The following TTN variants were observed in gnomAD, a reference collection of about 807,000 sequenced individuals.
TTN encodes connectin.
In TTN, 1,525 loss-of-function variants were observed where a neutral mutation model predicts 3,223.0. The observed-to-expected ratio is 0.47, with a 90% confidence interval of 0.45 to 0.49. The LOEUF (loss-of-function observed/expected upper bound fraction) is 0.49. Among genes scored for constraint, TTN ranks in the 20% least tolerant of loss-of-function variants. TTN has a pLI of 0.00. For synonymous variants in TTN, 14,094 were observed against 15,161.0 expected, an observed-to-expected ratio of 0.93 and a Z score of 5.17; for missense variants, 40,786 against 43,424.0, an observed-to-expected ratio of 0.94 and a Z score of 5.40.
At position 178,641,332 on chromosome 2, in the gene TTN, G is replaced by A; in HGVS notation, c.40559-17C>T. ...TTCTTAGAACTTTAAAGACAAAAAG[G>A]TTTATATGTAAACCAAGACAAACTA... On this transcript the variant is annotated splice_polypyrimidine_tract_variant and intron_variant, in intron 219 of 362. Coordinates refer to ENST00000589042, the MANE Select transcript of TTN (RefSeq NM_001267550.2). 1.4e-6 allele frequency: 2 copies of A among 1,386,140 alleles called. No homozygotes were observed. The highest frequency in any genetic ancestry group is 1.9e-6 in the Non-Finnish European group (2 of 1,026,512). The allele number at this position is 1,386,140 out of a possible 1,614,324, so 85.9% of individuals were successfully genotyped here. A position where few individuals can be genotyped will look rare whatever the true frequency, so the allele number is the denominator to read the frequency against.
At chr2:178,773,041 A>T (rs2091764564) in intron 33 of TTN, 68 bp downstream of exon 33, 2 of 1,602,074 alleles carry the variant, frequency 1.2e-6, no homozygotes, top group East Asian at 2.2e-5. Context: ...ATTTTGGGGG[A>T]AATGAATAAT....
Position 178,800,433 on chromosome 2 carries a change from A to G in TTN, c.545T>C (p.Val182Ala), listed in dbSNP as rs779093531. Residue 182 changes from valine (V) to alanine (A), a missense_variant, in exon 4 of 363, where the codon GTT becomes GCT. Coordinates refer to ENST00000589042, the MANE Select transcript of TTN (RefSeq NM_001267550.2). ...GTYSVNATNS[V>A]GRATSTAELL... ...TTCAGCAGTCGAAGTAGCTCTTCCAACGCTATTGGTGGCATTTACTGAATA... is the reference window on the plus strand; with the variant it reads ...TTCAGCAGTCGAAGTAGCTCTTCCAGCGCTATTGGTGGCATTTACTGAATA... The G allele has an allele frequency of 6.2e-6, 10 of 1,613,962 alleles. No individual in the cohort carries two copies. The highest frequency in any genetic ancestry group is 3.3e-5 in the Admixed American group (2 of 60,000).
chr2:178,583,258 T>C (rs932563938), intron 312 of TTN, 31 bp from the exon 313 acceptor site: 1 of 1,500,882 alleles, frequency 6.7e-7, no homozygotes, highest in African/African-American at 1.4e-5. Flanking sequence ...GGACTTAATG[T>C]ATGCAAAGCT....
chr2:178,709,441 A>T, intron 99 of TTN, 125 bp downstream of exon 99: 3 of 972,066 alleles, frequency 3.1e-6, no homozygotes, highest in Non-Finnish European at 4.4e-6. Flanking sequence ...ATAAATACAC[A>T]GTTAAATAAT....
chr2:178,533,359 T>A lies in TTN; in HGVS notation c.103256A>T (p.Tyr34419Phe). The change falls in exon 358 of 363, where the codon TAT becomes TTT. Residue 34419 changes from tyrosine to phenylalanine, a missense_variant. Tyr to Phe is a conservative substitution (Grantham distance 22). Coordinates refer to ENST00000589042, the MANE Select transcript of TTN (RefSeq NM_001267550.2). ...IEIIHEGLDYYALHIRDTLPE... is the reference protein window; with the variant it reads ...IEIIHEGLDYFALHIRDTLPE... Reference sequence around the variant, plus strand: ...CAAAGTGTCCCTGATGTGCAGAGCATAATAATCCAAGCCTTCATGGATAAT... The same window carrying A: ...CAAAGTGTCCCTGATGTGCAGAGCAAAATAATCCAAGCCTTCATGGATAAT... 1.9e-6 allele frequency: 3 copies of A among 1,613,626 alleles called. No individual in the cohort carries two copies. The highest frequency in any genetic ancestry group is 2.5e-6 in the Non-Finnish European group (3 of 1,179,866).
chr2:178,719,123 G>T (rs1291617929), intron 83 of TTN, 41 bp downstream of exon 83: 1 of 1,575,892 alleles, frequency 6.3e-7, no homozygotes, highest in East Asian at 2.2e-5. Flanking sequence ...CCACATGAAA[G>T]AGGTGTTAGA....
rs2080056843 is a variant in TTN, at chr2:178,729,698, G to T, written c.18555C>A (p.Gly6185=). The change falls in exon 63 of 363, where the codon GGC becomes GGA. Residue 6185 remains glycine, a synonymous_variant. Coordinates refer to ENST00000589042, the MANE Select transcript of TTN (RefSeq NM_001267550.2). ...TYVCEARNDA[G]TASCSIELKV... ...TGAGTTCAATGCTGCAGCTCGCCGT[G>T]CCTGCGTCATTTCGAGCTTCACACA... 1 of 1,613,590 alleles carries T rather than the reference G, an allele frequency of 6.2e-7. No individual in the cohort carries two copies. The highest frequency in any genetic ancestry group is 1.3e-5 in the African/African-American group (1 of 74,890).
chr2:178,564,811 G>A lies in TTN; in HGVS notation c.81321C>T (p.Tyr27107=), dbSNP rs557312035. ...VNDGGTKIIG[Y]HLEQKEKNSI... ...TGTTCTTTTCTTTCTGTTCAAGATG[G>A]TAGCCAATAATTTTGGTGCCTCCAT... Residue 27107 remains tyrosine, a synonymous_variant, in exon 326 of 363, where the codon TAC becomes TAT. Transcript: ENST00000589042. 1.9e-6 allele frequency: 3 copies of A among 1,612,790 alleles called. No homozygotes were observed. The Admixed American group carries it at 5.0e-5, about 27-fold the overall frequency.
Position 178,647,416 on chromosome 2 carries a change from G to C in TTN, c.40106C>G (p.Pro13369Arg), listed in dbSNP as rs1271203918. ...TGGAACTTCTGGCTCTGCAGGGATA[G>C]GCACAGACACTTCCTTTTCTGGGAT... ...KIIPEKEVSVPIPAEPEVPPA... is the reference protein window; with the variant it reads ...KIIPEKEVSVRIPAEPEVPPA... Residue 13369 changes from proline to arginine, a missense_variant, in exon 214 of 363, where the codon CCT becomes CGT. Pro to Arg is a moderately radical substitution (Grantham distance 103). Transcript: ENST00000589042. The C allele has an allele frequency of 1.3e-6, 2 of 1,549,764 alleles. No individual in the cohort carries two copies. Among genetic ancestry groups the C allele is most frequent in the Middle Eastern group, 1.7e-4 (1 of 5,986 alleles).
rs778578711 is a variant in TTN at position 178,607,450 on chromosome 2, A to T, written c.53238T>A (p.Ala17746=). The stretch of plus-strand genomic sequence containing the variant: ...CAAATTTGGAACCACAGCTATTTGT[A>T]GCTGTAATCACATATCTGCCATGGT... The part of the protein sequence containing the change: ...RKDHGRYVIT[A]TNSCGSKFAA... The change falls in exon 277 of 363, where the codon GCT becomes GCA. Residue 17746 remains alanine, a synonymous_variant. Transcript: ENST00000589042. 6.2e-7 allele frequency: 1 copy of T among 1,613,210 alleles called. No individual in the cohort carries two copies.
intron 108 of TTN, 36 bp from the exon 109 acceptor site, chr2:178,702,102 A>C (rs2075103578): frequency 1.1e-5 from 17 of 1,612,876 alleles, no homozygotes; most frequent in Non-Finnish European, 1.4e-5. Flanking sequence ...TTTTGTGTTC[A>C]GAATGGTATA....
chr2:178,618,141 A>G (rs1431923643), intron 252 of TTN, 48 bp downstream of exon 252: 10 of 1,609,890 alleles, frequency 6.2e-6, no homozygotes, highest in Non-Finnish European at 8.5e-6. Flanking sequence ...GAAGGCAAAG[A>G]CTGCAATTTA....
chr2:178,778,064 T>C, intron 24 of TTN, 89 bp from the exon 25 acceptor site: 1 of 1,513,392 alleles, frequency 6.6e-7, no homozygotes. Flanking sequence ...TTATTCATGT[T>C]ATTTTAGAAT....
Position 178,733,412 on chromosome 2 carries a change from C to A in TTN, c.15881G>T (p.Trp5294Leu). The change falls in exon 54 of 363, where the codon TGG (tryptophan) becomes TTG (leucine). Residue 5294 changes from tryptophan to leucine, a missense_variant. Coordinates refer to ENST00000589042, the MANE Select transcript of TTN (RefSeq NM_001267550.2). ...VAGTPELKPK[W>L]YKDGRPLVAS... ...GACCAAGGGTCTCCCATCTTTGTAC[C>A]ATTTGGGCTTCAGTTCTGGCGTGCC... 2.5e-6 allele frequency: 4 copies of A among 1,613,732 alleles called. No individual in the cohort carries two copies. Among genetic ancestry groups the A allele is most frequent in the Non-Finnish European group, 3.4e-6 (4 of 1,179,774 alleles).
rs759087636 is a variant in TTN, at chr2:178,614,341, G to A, written c.49056C>T (p.Pro16352=). The A allele has an allele frequency of 5.0e-6, 8 of 1,612,108 alleles. No homozygotes were observed. In the East Asian group the frequency reaches 6.7e-5, roughly 14 times the overall value. ...TGATGTCAAAGGCAGCTGGTGGTCC[G>A]GGTTTATCTGTGTATGGCATTACAG... ...AVVEVNVLDK[P]GPPAAFDITD... The change falls in exon 262 of 363, where the codon CCC becomes CCT. Residue 16352 remains proline, a synonymous_variant. Transcript: ENST00000589042.
Position 178,713,939 on chromosome 2 carries a change from G to C in TTN, c.26719C>G (p.Pro8907Ala), listed in dbSNP as rs764261158. 3.1e-6 allele frequency: 5 copies of C among 1,613,468 alleles called. No homozygotes were observed. In the African/African-American group the frequency reaches 6.7e-5, roughly 22 times the overall value. Residue 8907 changes from proline to alanine, a missense_variant, in exon 92 of 363, where the codon CCT (proline) becomes GCT (alanine). Pro to Ala is a conservative substitution (Grantham distance 27). Transcript: ENST00000589042. ...GCTGTGCAGCTGTCTTTGCCAACAG[G>C]GTTCTGCACCTCAAAACTGTATACC... ...SGVYSFEVQN[P>A]VGKDSCTASL...
Position 178,764,745 on chromosome 2 carries a change from C to T in TTN, c.9770G>A (p.Arg3257His), listed in dbSNP as rs535876380. ...TCTTCCGGATATCACGGCACAGAAGCGGGCAGGCTTGCCAGACTGCACAGT... is the reference window on the plus strand; with the variant it reads ...TCTTCCGGATATCACGGCACAGAAGTGGGCAGGCTTGCCAGACTGCACAGT... ...PVTVQSGKPA[R>H]FCAVISGRPQ... Residue 3257 changes from arginine (R) to histidine (H), a missense_variant, in exon 42 of 363, where the codon CGC becomes CAC. Physicochemically the swap from Arg to His is conservative, Grantham distance 29 (BLOSUM62 0). Coordinates refer to ENST00000589042, the MANE Select transcript of TTN (RefSeq NM_001267550.2). The T allele has an allele frequency of 7.1e-5, 114 of 1,614,032 alleles. No individual in the cohort carries two copies. Among genetic ancestry groups the T allele is most frequent in the Non-Finnish European group, 9.0e-5 (106 of 1,179,990 alleles).
At chr2:178,615,928 G>T in intron 257 of TTN, 140 bp from the exon 258 acceptor site, 1 of 975,438 alleles carries the variant, frequency 1.0e-6, no homozygotes. Flanking sequence ...TCATATTAGG[G>T]AAAATTGCAA....
chr2:178,713,751 C>A lies in TTN; in HGVS notation c.26761+146G>T, dbSNP rs10176708. ...TGAACATGGTTTTCTTCTAATTCTA[C>A]AGATGGTATTGCCTCTGAATTTGCT... On this transcript the variant is annotated intron_variant, in intron 92 of 362. Coordinates refer to ENST00000589042, the MANE Select transcript of TTN (RefSeq NM_001267550.2). 41,372 of 1,044,468 alleles carry A rather than the reference C, an allele frequency of 0.04. 1,735 individuals carry two copies. Among genetic ancestry groups the A allele is most frequent in the Admixed American group, 0.15 (5,202 of 34,148 alleles). The allele number at this position is 1,044,468 out of a possible 1,614,324, so 64.7% of individuals were successfully genotyped here.
Sources: gnomAD v4.1 joint callset for allele counts on GRCh38, gnomAD v4.1.1 for gene constraint, MANE v1.5 for transcripts, NCBI Gene and HGNC (gene_info 2026-07-23, HGNC 2026-07-21) for gene names.